NCKAP1L: variants seen among roughly 807,000 people sequenced by gnomAD.
NCKAP1L encodes the protein NCK associated protein 1 like.
NCKAP1L carries 53 observed loss-of-function variants against 139.2 expected under a neutral mutation model. The ratio of observed to expected loss-of-function variants is 0.38; its 90% CI spans 0.31 to 0.48. The LOEUF (loss-of-function observed/expected upper bound fraction) is 0.48, where lower values mean the gene tolerates loss of function less well. Ranked by LOEUF, NCKAP1L falls within the 20% of genes least tolerant of loss-of-function variation. The pLI is 0.98. For synonymous variants in NCKAP1L, 468 were observed against 499.7 expected (o/e 0.94, Z 0.85); for missense variants, 1,151 against 1,381.9 (o/e 0.83, Z 2.65).
chr12:54,507,375 C>A (rs1225877628), intron 3 of NCKAP1L, among the ~76,000 whole-genome samples: 1 of 152,126 alleles, frequency 6.6e-6, no homozygotes, highest in African/African-American at 2.4e-5. Flanking sequence ...AAGTACCTCA[C>A]ACATAGTGAA....
chr12:54,500,422 C>T, intron 2 of NCKAP1L, 111 bp from the exon 3 acceptor site: 1 of 762,520 alleles, frequency 1.3e-6, no homozygotes. Context: ...CTGCGCCCGG[C>T]CTCAACCCTC....
chr12:54,535,247 T>A, intron 27 of NCKAP1L, 50 bp downstream of exon 27: 1 of 1,401,920 alleles, frequency 7.1e-7, no homozygotes, highest in Non-Finnish European at 1.0e-6. Flanking sequence ...GCTTGGGCCT[T>A]ATTTTGGGTG....
intron 7 of NCKAP1L, chr12:54,510,305 T>G: frequency 2.1e-6 from 1 of 471,802 alleles, no homozygotes; most frequent in South Asian, 1.9e-5. Flanking sequence ...AGCAGCAACT[T>G]GATTTTAGGA....
chr12:54,509,564 T>C, intron 5 of NCKAP1L, 105 bp from the exon 6 acceptor site: 1 of 762,234 alleles, frequency 1.3e-6, no homozygotes, highest in East Asian at 2.4e-5. Flanking sequence ...TTGGAGGTGG[T>C]GGGGAGTGCC....
chr12:54,517,628 G>A lies in NCKAP1L; in HGVS notation c.1191G>A (p.Glu397=). 6.2e-7 allele frequency: 1 copy of A among 1,612,720 alleles called. No homozygotes were observed. Among genetic ancestry groups the A allele is most frequent in the Non-Finnish European group, 8.5e-7 (1 of 1,178,752 alleles). Residue 397 remains glutamate, a synonymous_variant, in exon 12 of 31, where the codon GAG becomes GAA. Transcript: ENST00000293373. ...TENVTKTKTP[E]DYADSSIAEL... is the part of the protein sequence containing the mutation. ...ATGTCACCAAGACAAAGACACCTGA[G>A]GACTATGCTGACTCGTTAGTACTTG...
intron 20 of NCKAP1L, 83 bp from the exon 21 acceptor site, chr12:54,526,445 T>C: frequency 9.0e-7 from 1 of 1,111,112 alleles, no homozygotes. Flanking sequence ...GCACAGCACC[T>C]GGAACACAAT....
intron 10 of NCKAP1L, among the ~76,000 whole-genome samples, chr12:54,516,586 C>A (rs1024840934): frequency 3.3e-5 from 5 of 152,036 alleles, no homozygotes; most frequent in Non-Finnish European, 7.4e-5. Flanking sequence ...GCTGGGATTA[C>A]AGGCACCCAC....
intron 20 of NCKAP1L, 92 bp from the exon 21 acceptor site, chr12:54,526,436 C>G (rs1460847448): frequency 1.0e-6 from 1 of 995,572 alleles, no homozygotes; most frequent in African/African-American, 1.6e-5. Context: ...AAAATCCTAG[C>G]ACAGCACCTG....
chr12:54,536,716 G>GAA (rs5798307), intron 28 of NCKAP1L, among the ~76,000 whole-genome samples: 3,771 of 145,546 alleles, frequency 0.026, 154 homozygotes, highest in African/African-American at 0.088. Context: ...CCCCTACCCT[G>GAA]AAAAAAAAAA....
At chr12:54,542,024 C>T (rs929115968) in intron 30 of NCKAP1L, among the ~76,000 whole-genome samples, 1 of 151,934 alleles carries the variant, frequency 6.6e-6, no homozygotes, top group Admixed American at 6.6e-5. Flanking sequence ...CTGGGATTAC[C>T]GCAGCACACA....
intron 3 of NCKAP1L, among the ~76,000 whole-genome samples, chr12:54,506,882 A>C (rs972326493): frequency 4.1e-5 from 6 of 146,056 alleles, no homozygotes; most frequent in Admixed American, 7.0e-5. Flanking sequence ...TCAGTGGAGA[A>C]GGCTAGGAAC....
At chr12:54,531,428 G>C (rs1957069830) in intron 23 of NCKAP1L, 63 bp from the exon 24 acceptor site, 2 of 1,606,660 alleles carry the variant, frequency 1.2e-6, no homozygotes, top group Non-Finnish European at 1.7e-6. Flanking sequence ...GGAGACTGGG[G>C]GGGAAGATGT....
chr12:54,505,164 C>T (rs1691605), intron 3 of NCKAP1L, among the ~76,000 whole-genome samples: 137,794 of 152,302 alleles, frequency 0.9, 62,540 homozygotes, highest in East Asian at 1. Context: ...TGATGTCACC[C>T]GGCTCCCCGC....
At position 54,528,288 on chromosome 12, in the gene NCKAP1L, T is replaced by C. The variant is rs1565680719; in HGVS notation, c.2417T>C (p.Ile806Thr). The change falls in exon 22 of 31, where the codon ATC becomes ACC. Residue 806 changes from isoleucine (I) to threonine (T), a missense_variant. Physicochemically the swap from Ile to Thr is moderately conservative, Grantham distance 89. Coordinates refer to ENST00000293373, the MANE Select transcript of NCKAP1L (RefSeq NM_005337.5). Reference protein sequence around the residue: ...SLLRQASSGTIILSPAMQAFV... With the variant: ...SLLRQASSGTTILSPAMQAFV... The stretch of plus-strand genomic sequence containing the variant: ...CTTAGACAGGCAAGCAGTGGGACCA[T>C]CATCCTCTCCCCAGCCATGCAGGCC... 1.2e-6 allele frequency: 2 copies of C among 1,613,838 alleles called. No homozygotes were observed. Among genetic ancestry groups the C allele is most frequent in the Non-Finnish European group, 1.7e-6 (2 of 1,179,912 alleles).
intron 9 of NCKAP1L, among the ~76,000 whole-genome samples, chr12:54,514,077 A>G (rs1406054615): frequency 6.6e-6 from 1 of 151,966 alleles, no homozygotes; most frequent in African/African-American, 2.4e-5. Context: ...CACACTCTAT[A>G]TTATGTTCTA....
intron 25 of NCKAP1L, 115 bp downstream of exon 25, chr12:54,531,940 G>A: frequency 2.1e-6 from 2 of 933,652 alleles, no homozygotes; most frequent in South Asian, 1.6e-5. Flanking sequence ...CTTCAGAAGG[G>A]GTTGGTGAGC....
chr12:54,518,234 C>T (rs1033632117), intron 13 of NCKAP1L, among the ~76,000 whole-genome samples: 14 of 151,868 alleles, frequency 9.2e-5, no homozygotes, highest in Non-Finnish European at 1.8e-4. Flanking sequence ...CCCAGCTACT[C>T]AGGAGGCTGA....
chr12:54,542,082 C>T (rs1957162235), intron 30 of NCKAP1L, among the ~76,000 whole-genome samples: 1 of 152,126 alleles, frequency 6.6e-6, no homozygotes, highest in African/African-American at 2.4e-5. Flanking sequence ...TATGCGGCAT[C>T]CTTACTGTTC....
chr12:54,504,855 A>G (rs1335606351), intron 3 of NCKAP1L, among the ~76,000 whole-genome samples: 1 of 152,264 alleles, frequency 6.6e-6, no homozygotes, highest in Admixed American at 6.5e-5. Context: ...CAATAGACCA[A>G]CACATGTTAT....
Sources: gnomAD v4.1 joint callset for allele counts (sites outside exome capture counted in the v4.1 genomes callset) on GRCh38, gnomAD v4.1.1 for gene constraint, MANE v1.5 for transcripts, NCBI Gene and HGNC (gene_info 2026-07-23, HGNC 2026-07-21) for gene names.